INPP4B: variants seen among roughly 807,000 people sequenced by gnomAD.
The protein encoded by INPP4B is inositol polyphosphate-4-phosphatase type II B.
A neutral mutation model predicts 122.5 loss-of-function variants in INPP4B; 55 were observed. That is an observed-to-expected ratio of 0.45 (90% CI 0.36 to 0.56). INPP4B has a LOEUF of 0.56. Ranked by LOEUF, INPP4B falls within the 20% of genes least tolerant of loss-of-function variation. The probability of loss-of-function intolerance (pLI) is 0.00; values close to 1 mark genes in which losing one functional copy is unlikely to be tolerated. For synonymous variants in INPP4B, 403 were observed against 388.7 expected (o/e 1.04, Z -0.43); for missense variants, 1,000 against 1,097.7 (o/e 0.91, Z 1.26).
intron 9 of INPP4B, among the ~76,000 whole-genome samples, chr4:142,292,400 T>C (rs748476313): frequency 5.3e-5 from 8 of 152,140 alleles, no homozygotes; most frequent in African/African-American, 9.7e-5. Flanking sequence ...CAAACGTCAA[T>C]AGCCAAAAAA....
At chr4:142,202,827 C>T (rs187399808) in intron 14 of INPP4B, 6 of 963,438 alleles carry the variant, frequency 6.2e-6, no homozygotes, top group Non-Finnish European at 7.4e-6. Flanking sequence ...AGGTGTGTTT[C>T]ACTCATGCAA....
intron 2 of INPP4B, among the ~76,000 whole-genome samples, chr4:142,580,741 T>C (rs1734884100): frequency 2.0e-5 from 3 of 152,092 alleles, no homozygotes; most frequent in African/African-American, 7.2e-5. Flanking sequence ...GAATCTATTC[T>C]ATTTTACTGG....
rs182635921 is a variant in INPP4B at position 142,415,695 on chromosome 4, C to T, written c.137-10371G>A. On this transcript the variant is annotated intron_variant, in intron 5 of 25. Transcript: ENST00000262992. ...TATAAATCATGCTGCTATAAAGACACGTGCACACGTATGTTTATTACGGCA... is the reference window on the plus strand; with the variant it reads ...TATAAATCATGCTGCTATAAAGACATGTGCACACGTATGTTTATTACGGCA... Among the ~76,000 whole-genome samples, 784 of 152,240 alleles carry T rather than the reference C, an allele frequency of 5.1e-3. 8 individuals carry two copies. The highest frequency in any genetic ancestry group is 0.018 in the African/African-American group (739 of 41,526).
chr4:142,214,439 T>TG (rs1846185813), intron 12 of INPP4B, among the ~76,000 whole-genome samples: 1 of 152,338 alleles, frequency 6.6e-6, no homozygotes, highest in East Asian at 1.9e-4. Flanking sequence ...CACATTCTGC[T>TG]GTTTAACTCA....
chr4:142,769,409 T>G (rs1405623124), intron 1 of INPP4B, among the ~76,000 whole-genome samples: 1 of 152,152 alleles, frequency 6.6e-6, no homozygotes, highest in Non-Finnish European at 1.5e-5. Context: ...CCTTAATAAG[T>G]ACACCTGCGA....
intron 2 of INPP4B, among the ~76,000 whole-genome samples, chr4:142,687,071 C>A (rs946661180): frequency 2.0e-5 from 3 of 151,898 alleles, no homozygotes; most frequent in African/African-American, 7.3e-5. Context: ...CAAAGAGTTT[C>A]TTTGTTTCTA....
chr4:142,560,884 C>T (rs1017611472), intron 2 of INPP4B, among the ~76,000 whole-genome samples: 1 of 152,166 alleles, frequency 6.6e-6, no homozygotes, highest in Non-Finnish European at 1.5e-5. Context: ...TCCTTCAATG[C>T]AGTCAAGTTG....
intron 11 of INPP4B, among the ~76,000 whole-genome samples, chr4:142,256,334 A>T (rs1561645542): frequency 6.6e-6 from 1 of 151,620 alleles, no homozygotes; most frequent in Non-Finnish European, 1.5e-5. Flanking sequence ...AGCTAGCAGA[A>T]GGCAAGAAAT....
intron 25 of INPP4B, among the ~76,000 whole-genome samples, chr4:142,038,811 T>C (rs336339): frequency 0.1 from 15,768 of 152,160 alleles, 1,496 homozygotes; most frequent in African/African-American, 0.25. Context: ...TAGGGAGAGA[T>C]CGCCTATGTA....
intron 25 of INPP4B, among the ~76,000 whole-genome samples, chr4:142,047,793 A>G (rs561393965): frequency 3.9e-5 from 6 of 152,086 alleles, no homozygotes; most frequent in South Asian, 2.1e-4. Flanking sequence ...CAGATATGAA[A>G]CAAAAATCTC....
In INPP4B at chr4:142,796,007, T is replaced by C. The variant is rs13125034; in HGVS notation, c.-254+50202A>G. 2.2e-3 allele frequency among the ~76,000 whole-genome samples: 335 copies of C among 152,082 alleles called. 4 individuals are homozygous for C. The highest frequency in any genetic ancestry group is 7.9e-3 in the African/African-American group (330 of 41,532). On this transcript the variant is annotated intron_variant, in intron 1 of 25. Coordinates refer to ENST00000262992, the MANE Select transcript of INPP4B (RefSeq NM_001101669.3). ...TAATATGAGAAAAATGTACAATCCTTCCACGTTCATTGCATTTTACATCCA... is the reference window on the plus strand; with the variant it reads ...TAATATGAGAAAAATGTACAATCCTCCCACGTTCATTGCATTTTACATCCA...
chr4:142,029,320 A>AATTT, intron 25 of INPP4B: 1 of 985,516 alleles, frequency 1.0e-6, no homozygotes, highest in Non-Finnish European at 1.2e-6. Flanking sequence ...TAAGGCATTT[A>AATTT]ATTTATTAAG....
At chr4:142,762,977 G>T (rs998234328) in intron 1 of INPP4B, among the ~76,000 whole-genome samples, 1 of 152,108 alleles carries the variant, frequency 6.6e-6, no homozygotes, top group East Asian at 1.9e-4. Flanking sequence ...CACAGCAACA[G>T]GGCGCCATCT....
At chr4:142,170,636 T>G (rs1177078707) in intron 16 of INPP4B, among the ~76,000 whole-genome samples, 1 of 151,724 alleles carries the variant, frequency 6.6e-6, no homozygotes, top group East Asian at 1.9e-4. Flanking sequence ...ATTATCCACC[T>G]CATGGAACTC....
chr4:142,328,685 A>G (rs1408662726), intron 7 of INPP4B, among the ~76,000 whole-genome samples: 1 of 152,200 alleles, frequency 6.6e-6, no homozygotes, highest in Non-Finnish European at 1.5e-5. Context: ...GTTATTTAAC[A>G]TATAATGAGT....
chr4:142,420,349 G>A (rs1806607532), intron 5 of INPP4B, among the ~76,000 whole-genome samples: 1 of 152,042 alleles, frequency 6.6e-6, no homozygotes, highest in Admixed American at 6.6e-5. Context: ...AAAAGTTTGA[G>A]GTCTTATATA....
intron 2 of INPP4B, among the ~76,000 whole-genome samples, chr4:142,644,009 T>C (rs987708456): frequency 6.6e-6 from 1 of 152,132 alleles, no homozygotes; most frequent in African/African-American, 2.4e-5. Context: ...CAGACTAGCC[T>C]GGGCAACATT....
chr4:142,516,873 C>T (rs1169649494), intron 2 of INPP4B, among the ~76,000 whole-genome samples: 3 of 152,046 alleles, frequency 2.0e-5, no homozygotes, highest in Non-Finnish European at 4.4e-5. Flanking sequence ...AGTACTTCTC[C>T]CTTCCTCTGC....
chr4:142,219,170 C>T (rs1848434523), intron 12 of INPP4B, among the ~76,000 whole-genome samples: 1 of 152,154 alleles, frequency 6.6e-6, no homozygotes, highest in South Asian at 2.1e-4. Context: ...GTTAAAATAA[C>T]TGCTTATTGT....
Sources: gnomAD v4.1 joint callset for allele counts (sites outside exome capture counted in the v4.1 genomes callset) on GRCh38, gnomAD v4.1.1 for gene constraint, MANE v1.5 for transcripts, NCBI Gene and HGNC (gene_info 2026-07-23, HGNC 2026-07-21) for gene names.